Variants in PHF21B observed in about 807,000 individuals in gnomAD.
The protein encoded by PHF21B is PHD finger protein 4.
A neutral mutation model predicts 62.2 loss-of-function variants in PHF21B; 22 were observed. That is an observed-to-expected ratio of 0.35 (90% confidence interval 0.25 to 0.51). PHF21B has a LOEUF of 0.51. PHF21B is among the 20% of genes least tolerant of loss of function. PHF21B has a pLI of 0.97. For synonymous variants in PHF21B, 341 were observed against 314.7 expected (o/e 1.08, Z -0.88); for missense variants, 701 against 707.9 (o/e 0.99, Z 0.11).
intron 2 of PHF21B, among the ~76,000 whole-genome samples, chr22:44,949,263 T>C (rs930706888): frequency 7.1e-6 from 1 of 141,528 alleles, no homozygotes; most frequent in African/African-American, 2.6e-5. Flanking sequence ...ATCGTGCCAT[T>C]GCACTTCAGC....
chr22:44,988,860 C>G (rs2072996808), intron 2 of PHF21B, among the ~76,000 whole-genome samples: 1 of 152,190 alleles, frequency 6.6e-6, no homozygotes. Context: ...CTGGGAAGTC[C>G]ACGTGGAGGG....
chr22:44,883,839 A>G (rs2070780564), intron 12 of PHF21B, among the ~76,000 whole-genome samples: 1 of 152,160 alleles, frequency 6.6e-6, no homozygotes, highest in Non-Finnish European at 1.5e-5. Flanking sequence ...AAATGATTAT[A>G]GGGACAATCA....
intron 2 of PHF21B, among the ~76,000 whole-genome samples, chr22:44,966,558 A>T (rs1008352622): frequency 1.3e-5 from 2 of 152,080 alleles, no homozygotes; most frequent in African/African-American, 4.8e-5. Context: ...GGGAGACCAC[A>T]GGTCAAGGCC....
chr22:45,004,519 T>C (rs1475822187), intron 2 of PHF21B, among the ~76,000 whole-genome samples: 3 of 152,222 alleles, frequency 2.0e-5, no homozygotes, highest in Non-Finnish European at 4.4e-5. Context: ...TTTGGAGTTG[T>C]ACTGATTTTT....
intron 2 of PHF21B, among the ~76,000 whole-genome samples, chr22:44,953,982 T>G (rs927384787): frequency 7.2e-5 from 11 of 152,190 alleles, no homozygotes; most frequent in African/African-American, 2.2e-4. Flanking sequence ...GCCCTTGGCC[T>G]GAACCACCAC....
intron 2 of PHF21B, 67 bp downstream of exon 2, chr22:45,008,478 G>A: frequency 1.4e-6 from 2 of 1,425,354 alleles, no homozygotes; most frequent in Admixed American, 2.3e-5. Flanking sequence ...CACTTTTTAG[G>A]GCGCCGCCAA....
At chr22:44,923,331 C>CAAAAA (rs34100382) in intron 2 of PHF21B, among the ~76,000 whole-genome samples, 3 of 125,114 alleles carry the variant, frequency 2.4e-5, no homozygotes, top group Non-Finnish European at 1.7e-5. Flanking sequence ...CATACCATAT[C>CAAAAA]AAAAAAAAAA....
chr22:44,966,515 A>G (rs1273804256), intron 2 of PHF21B, among the ~76,000 whole-genome samples: 3 of 152,122 alleles, frequency 2.0e-5, no homozygotes, highest in Admixed American at 2.0e-4. Flanking sequence ...CAAGAGACCA[A>G]GCCCCTGTCC....
chr22:44,912,878 C>CAAAAAA lies in PHF21B; in HGVS notation c.831+938_831+943dup, dbSNP rs3087031. Among the ~76,000 whole-genome samples the CAAAAAA allele has an allele frequency of 8.8e-4, 40 of 45,592 alleles. 1 individual carries two copies. The highest frequency in any genetic ancestry group is 0.015 in the Middle Eastern group (1 of 66). The allele number at this position is 45,592 out of a possible 152,430, so 29.9% of individuals were successfully genotyped here. On this transcript the variant is annotated intron_variant, in intron 5 of 12. Coordinates refer to ENST00000313237, the MANE Select transcript of PHF21B (RefSeq NM_138415.5). ...TGGCTCAAAGAGTCAGACTCTATCT[C>CAAAAAA]AAAAAAAAAAAAAAAAAAAGACAAA...
At chr22:44,989,328 C>T (rs2073004815) in intron 2 of PHF21B, 1 of 152,166 alleles carries the variant, frequency 6.6e-6, no homozygotes, top group Non-Finnish European at 1.5e-5. Context: ...TTGGCCTCCT[C>T]CAAAGAAAAC....
At chr22:44,889,038 C>T (rs931029594) in intron 9 of PHF21B, among the ~76,000 whole-genome samples, 4 of 152,232 alleles carry the variant, frequency 2.6e-5, no homozygotes, top group Admixed American at 6.5e-5. Flanking sequence ...AGCACCAACC[C>T]GTGCCATTGC....
intron 2 of PHF21B, among the ~76,000 whole-genome samples, chr22:44,930,580 GGCACCA>G (rs1677367939): frequency 6.6e-6 from 1 of 152,138 alleles, no homozygotes; most frequent in African/African-American, 2.4e-5. Flanking sequence ...GAGGGGCAGA[GGCACCA>G]GCAGCAGGGG....
chr22:44,979,793 A>T (rs950600708), intron 2 of PHF21B, among the ~76,000 whole-genome samples: 3 of 152,130 alleles, frequency 2.0e-5, no homozygotes, highest in Non-Finnish European at 4.4e-5. Context: ...ATAATATAAA[A>T]GTAACCATTT....
At chr22:44,995,922 A>C (rs1380832404) in intron 2 of PHF21B, among the ~76,000 whole-genome samples, 1 of 152,072 alleles carries the variant, frequency 6.6e-6, no homozygotes, top group African/African-American at 2.4e-5. Context: ...TGTTGAGGGC[A>C]CAGCGGAGGG....
chr22:44,936,097 C>T (rs1214017757), intron 2 of PHF21B, among the ~76,000 whole-genome samples: 1 of 152,240 alleles, frequency 6.6e-6, no homozygotes, highest in Non-Finnish European at 1.5e-5. Context: ...ATTCCTTGTC[C>T]TCCAAATACC....
At chr22:44,898,734 C>G (rs969556120) in intron 5 of PHF21B, among the ~76,000 whole-genome samples, 3 of 152,270 alleles carry the variant, frequency 2.0e-5, no homozygotes, top group Non-Finnish European at 4.4e-5. Context: ...GCTAGAGGAG[C>G]TGAGGTAATA....
chr22:44,887,659 G>T (rs1390327668), intron 10 of PHF21B, among the ~76,000 whole-genome samples: 2 of 149,936 alleles, frequency 1.3e-5, no homozygotes, highest in Admixed American at 1.3e-4. Flanking sequence ...AGAGGCTGAG[G>T]CAGGAGGATC....
intron 2 of PHF21B, among the ~76,000 whole-genome samples, chr22:44,947,193 C>T (rs1335321870): frequency 6.6e-6 from 1 of 152,332 alleles, no homozygotes; most frequent in Middle Eastern, 3.4e-3. Context: ...GATCCCCGCC[C>T]CCACCCTTGG....
At position 45,009,553 on chromosome 22, in the gene PHF21B, G is replaced by C. The variant is rs199787537; in HGVS notation, c.-4C>G. Reference sequence around the variant, plus strand: ...CGGGCCGGCTCTGCAGCTCCATCCCGGCAACTTGGGCAGCACTTTGCGCTC... The same window carrying C: ...CGGGCCGGCTCTGCAGCTCCATCCCCGCAACTTGGGCAGCACTTTGCGCTC... On this transcript the variant is annotated 5_prime_UTR_variant, in exon 1 of 13. Coordinates refer to ENST00000313237, the MANE Select transcript of PHF21B (RefSeq NM_138415.5). The surrounding 1 kb of genome is among the most constrained non-coding windows in gnomAD (Gnocchi z 5.9). 1.5e-3 allele frequency: 2,355 copies of C among 1,571,734 alleles called. 64 individuals are homozygous for C. The East Asian group carries it at 0.048, about 32-fold the overall frequency.
Sources: allele counts gnomAD v4.1 joint callset (sites outside exome capture counted in the v4.1 genomes callset), GRCh38; gene constraint gnomAD v4.1.1; non-coding constraint Gnocchi (gnomAD v3.1); transcripts MANE v1.5; gene names NCBI Gene and HGNC (gene_info 2026-07-23, HGNC 2026-07-21).